The following SGPP2 variants were observed in gnomAD, a reference collection of about 807,000 sequenced individuals.
The protein encoded by SGPP2 is sphingosine-1-phosphate phosphatase 2, also known as sphingosine 1-phosphate phosphohydrolase 2.
A neutral mutation model predicts 33.9 loss-of-function variants in SGPP2; 30 were observed. The ratio of observed to expected loss-of-function variants is 0.89; its 90% CI spans 0.66 to 1.20. The LOEUF (loss-of-function observed/expected upper bound fraction) is 1.20, where lower values mean the gene tolerates loss of function less well. Ranked by LOEUF, SGPP2 falls within the 50% of genes most tolerant of loss-of-function variation. The pLI is 0.00. For missense variants in SGPP2, 458 were observed against 532.1 expected, an observed-to-expected ratio of 0.86 and a Z score of 1.37; for synonymous variants, 233 against 225.0, an observed-to-expected ratio of 1.04 and a Z score of -0.32.
At chr2:222,430,138 T>C (rs1697130565) in intron 1 of SGPP2, among the ~76,000 whole-genome samples, 1 of 152,082 alleles carries the variant, frequency 6.6e-6, no homozygotes, top group Non-Finnish European at 1.5e-5. Flanking sequence ...AGGAAGACAA[T>C]AGCAGGAGTA....
At chr2:222,551,704 CAA>C (rs1689297057) in intron 4 of SGPP2, among the ~76,000 whole-genome samples, 1 of 152,026 alleles carries the variant, frequency 6.6e-6, no homozygotes, top group Admixed American at 6.6e-5. Context: ...GGCTATGAAC[CAA>C]AATAGTCTAG....
intron 4 of SGPP2, among the ~76,000 whole-genome samples, chr2:222,547,388 C>T (rs2106153090): frequency 6.6e-6 from 1 of 152,264 alleles, no homozygotes; most frequent in Non-Finnish European, 1.5e-5. Flanking sequence ...TCCTGTGATC[C>T]ATTATAATTA....
Position 222,424,640 on chromosome 2 carries a change from T to C in SGPP2, c.38T>C (p.Leu13Pro). Residue 13 changes from leucine (L) to proline (P), a missense_variant, in exon 1 of 5, where the codon CTC becomes CCC. By Grantham distance (98) the Leu-to-Pro change is moderately conservative (BLOSUM62 -3). Coordinates refer to ENST00000321276, the MANE Select transcript of SGPP2 (RefSeq NM_152386.4). ...ELLRSLQDSQ[L>P]VARFQRRCGL... Reference sequence around the variant, plus strand: ...CTGCGGAGCCTGCAGGATTCCCAGCTCGTCGCCCGCTTCCAGCGCCGCTGC... The same window carrying C: ...CTGCGGAGCCTGCAGGATTCCCAGCCCGTCGCCCGCTTCCAGCGCCGCTGC... The C allele has an allele frequency of 7.0e-7, 1 of 1,425,790 alleles. No individual in the cohort carries two copies. Among genetic ancestry groups the C allele is most frequent in the East Asian group, 3.1e-5 (1 of 32,358 alleles). The allele number at this position is 1,425,790 out of a possible 1,614,324, so 88.3% of individuals were successfully genotyped here. A position where few individuals can be genotyped will look rare whatever the true frequency, so the allele number is the denominator to read the frequency against.
chr2:222,462,719 G>A (rs1006007064), intron 1 of SGPP2, among the ~76,000 whole-genome samples: 2 of 152,138 alleles, frequency 1.3e-5, no homozygotes, highest in African/African-American at 4.8e-5. Flanking sequence ...CCAGAGGATT[G>A]TCTGAGGGGT....
intron 4 of SGPP2, among the ~76,000 whole-genome samples, chr2:222,551,617 A>G (rs1009452965): frequency 2.6e-5 from 4 of 152,236 alleles, no homozygotes; most frequent in African/African-American, 9.6e-5. Flanking sequence ...ACATGTCTTT[A>G]TTACAATATC....
intron 1 of SGPP2, among the ~76,000 whole-genome samples, chr2:222,456,931 A>G (rs927778626): frequency 1.1e-4 from 16 of 152,196 alleles, no homozygotes; most frequent in African/African-American, 3.6e-4. Context: ...TCCCTGAACT[A>G]TTTAAGAAGC....
chr2:222,486,355 A>G (rs1698108701), intron 2 of SGPP2, among the ~76,000 whole-genome samples: 1 of 152,028 alleles, frequency 6.6e-6, no homozygotes, highest in Non-Finnish European at 1.5e-5. Flanking sequence ...TTTTATTATT[A>G]TTAGCATCAT....
chr2:222,493,488 G>T (rs1477100030), intron 2 of SGPP2, among the ~76,000 whole-genome samples: 1 of 152,154 alleles, frequency 6.6e-6, no homozygotes, highest in African/African-American at 2.4e-5. Context: ...CATCCAAGAT[G>T]AGATTTGAGT....
chr2:222,514,478 A>G (rs1698574633), intron 2 of SGPP2, among the ~76,000 whole-genome samples: 1 of 152,212 alleles, frequency 6.6e-6, no homozygotes, highest in Non-Finnish European at 1.5e-5. Flanking sequence ...GATTACAGGC[A>G]TGAGCCACTC....
rs113269635 is a variant in SGPP2, at chr2:222,492,589, T to C, written c.378+17863T>C. 1.3e-3 allele frequency among the ~76,000 whole-genome samples: 196 copies of C among 152,368 alleles called. 2 individuals carry two copies. The highest frequency in any genetic ancestry group is 4.5e-3 in the African/African-American group (186 of 41,590). On this transcript the variant is annotated intron_variant, in intron 2 of 4. Coordinates refer to ENST00000321276, the MANE Select transcript of SGPP2 (RefSeq NM_152386.4). ...TTTTCCTCCTAGGCCTCTGGGCCTG[T>C]GATGGGTGGCCCAGATCTCTGACAT...
At position 222,520,762 on chromosome 2, in the gene SGPP2, C is replaced by CT. The variant is rs1170993191; in HGVS notation, c.379-996dup. Among the ~76,000 whole-genome samples, 1,472 of 149,858 alleles carry CT rather than the reference C, an allele frequency of 9.8e-3. 13 individuals are homozygous for CT. Among genetic ancestry groups the CT allele is most frequent in the Middle Eastern group, 0.028 (8 of 290 alleles). On this transcript the variant is annotated intron_variant, in intron 2 of 4. Coordinates refer to ENST00000321276, the MANE Select transcript of SGPP2 (RefSeq NM_152386.4). ...AAAAAAAAACCCTCCATATCGAGCC[C>CT]TTTTTTTTTGAGACAGGGTCTTGCT...
intron 1 of SGPP2, among the ~76,000 whole-genome samples, chr2:222,464,475 A>G (rs1169242598): frequency 6.6e-6 from 1 of 152,166 alleles, no homozygotes; most frequent in Admixed American, 6.5e-5. Flanking sequence ...CTTCAAGTAC[A>G]GAGGTTTTTT....
At chr2:222,555,219 C>T (rs946779153) in intron 4 of SGPP2, among the ~76,000 whole-genome samples, 5 of 152,178 alleles carry the variant, frequency 3.3e-5, no homozygotes, top group Non-Finnish European at 5.9e-5. Context: ...AGAAGTATCA[C>T]AGTTTATTTA....
intron 1 of SGPP2, among the ~76,000 whole-genome samples, chr2:222,470,133 G>A (rs1340402544): frequency 2.0e-5 from 3 of 152,146 alleles, no homozygotes; most frequent in Non-Finnish European, 2.9e-5. Flanking sequence ...GGGGCAAGGA[G>A]AGGGAGAGTA....
At chr2:222,453,568 A>G (rs1418075173) in intron 1 of SGPP2, among the ~76,000 whole-genome samples, 1 of 152,134 alleles carries the variant, frequency 6.6e-6, no homozygotes, top group Non-Finnish European at 1.5e-5. Flanking sequence ...AGCCTACTCA[A>G]CATGAAGACA....
intron 4 of SGPP2, among the ~76,000 whole-genome samples, chr2:222,528,741 C>T (rs879580041): frequency 2.0e-5 from 3 of 152,156 alleles, no homozygotes; most frequent in African/African-American, 2.4e-5. Flanking sequence ...CTCGGCCTCC[C>T]GAGTAGCTGG....
At chr2:222,435,018 G>GTATA (rs544468214) in intron 1 of SGPP2, among the ~76,000 whole-genome samples, 272 of 18,724 alleles carry the variant, frequency 0.015, 1 homozygote, top group Middle Eastern at 0.071. Flanking sequence ...ACACATATGT[G>GTATA]TATATGTGTG....
chr2:222,496,085 G>T (rs1185186521), intron 2 of SGPP2, among the ~76,000 whole-genome samples: 1 of 152,176 alleles, frequency 6.6e-6, no homozygotes, highest in Non-Finnish European at 1.5e-5. Context: ...CTCCCTTCGT[G>T]CAAGAATCCT....
At chr2:222,504,896 G>A (rs1698422274) in intron 2 of SGPP2, 1 of 152,218 alleles carries the variant, frequency 6.6e-6, no homozygotes, top group African/African-American at 2.4e-5. Flanking sequence ...ATTTAGTGGA[G>A]AGGAACTGAG....
Sources: gnomAD v4.1 joint callset for allele counts (sites outside exome capture counted in the v4.1 genomes callset) on GRCh38, gnomAD v4.1.1 for gene constraint, MANE v1.5 for transcripts, NCBI Gene and HGNC (gene_info 2026-07-23, HGNC 2026-07-21) for gene names.